TMEM163: variants seen among roughly 807,000 people sequenced by gnomAD.
TMEM163 encodes the protein transmembrane protein 163.
A neutral mutation model predicts 29.3 loss-of-function variants in TMEM163; 17 were observed. That is an observed-to-expected ratio of 0.58 (90% confidence interval 0.40 to 0.87). The LOEUF is 0.87. TMEM163 is among the 40% of genes least tolerant of loss of function. The probability of loss-of-function intolerance (pLI) is 0.00; values close to 1 mark genes in which losing one functional copy is unlikely to be tolerated. For missense variants in TMEM163, 303 were observed against 381.5 expected, an observed-to-expected ratio of 0.79 and a Z score of 1.71; for synonymous variants, 157 against 160.6, an observed-to-expected ratio of 0.98 and a Z score of 0.17.
chr2:134,472,560 C>A (rs147823033), intron 5 of TMEM163, among the ~76,000 whole-genome samples: 23 of 152,340 alleles, frequency 1.5e-4, no homozygotes, highest in Non-Finnish European at 2.4e-4. Flanking sequence ...GAAAAGTACA[C>A]ATCTACCCTT....
chr2:134,610,459 G>A (rs1270081120), intron 2 of TMEM163, among the ~76,000 whole-genome samples: 1 of 152,168 alleles, frequency 6.6e-6, no homozygotes, highest in Non-Finnish European at 1.5e-5. Context: ...TCAATTTAGT[G>A]GTCTGGGGGG....
intron 6 of TMEM163, among the ~76,000 whole-genome samples, chr2:134,465,198 A>AAAAAAAAC (rs1352256515): frequency 1.2e-4 from 18 of 144,400 alleles, no homozygotes; most frequent in African/African-American, 4.2e-4. Flanking sequence ...TTAAAAAAAA[A>AAAAAAAAC]AAAAACAAAA....
chr2:134,609,884 AAGG>A (rs201848768), intron 2 of TMEM163, among the ~76,000 whole-genome samples: 1 of 150,190 alleles, frequency 6.7e-6, no homozygotes, highest in Non-Finnish European at 1.5e-5. Flanking sequence ...TACTGGTGAA[AAGG>A]AGGACAGACC....
At chr2:134,498,118 T>C (rs1299481834) in intron 5 of TMEM163, among the ~76,000 whole-genome samples, 1 of 152,212 alleles carries the variant, frequency 6.6e-6, no homozygotes, top group Non-Finnish European at 1.5e-5. Flanking sequence ...ATCTCCATTT[T>C]ACCTAAGAGG....
intron 5 of TMEM163, among the ~76,000 whole-genome samples, chr2:134,491,804 C>T (rs1444109198): frequency 5.3e-5 from 8 of 152,174 alleles, no homozygotes; most frequent in Admixed American, 1.3e-4. Context: ...ACATGGCAGA[C>T]GGCTCACAGA....
chr2:134,457,693 G>A (rs1354776423), intron 7 of TMEM163, among the ~76,000 whole-genome samples: 9 of 152,188 alleles, frequency 5.9e-5, no homozygotes, highest in African/African-American at 2.2e-4. Context: ...AGGAAACCAC[G>A]CAAAGGTGCT....
At chr2:134,711,006 A>T (rs1193153155) in intron 2 of TMEM163, among the ~76,000 whole-genome samples, 2 of 152,234 alleles carry the variant, frequency 1.3e-5, no homozygotes, top group East Asian at 3.8e-4. Flanking sequence ...TTCCTTGAAG[A>T]GTAGGACTGG....
At chr2:134,604,732 T>C (rs1047116499) in intron 2 of TMEM163, among the ~76,000 whole-genome samples, 3 of 152,234 alleles carry the variant, frequency 2.0e-5, no homozygotes, top group Non-Finnish European at 4.4e-5. Flanking sequence ...CAACCCAATT[T>C]TTCAAAATTA....
intron 2 of TMEM163, among the ~76,000 whole-genome samples, chr2:134,564,016 A>G (rs535955603): frequency 4.6e-5 from 7 of 151,954 alleles, no homozygotes; most frequent in South Asian, 4.2e-4. Flanking sequence ...ATGCCACTAC[A>G]CTCCAGCCTG....
chr2:134,493,343 T>C (rs1009391560), intron 5 of TMEM163, among the ~76,000 whole-genome samples: 1 of 149,792 alleles, frequency 6.7e-6, no homozygotes, highest in African/African-American at 2.5e-5. Flanking sequence ...TTTTGACTTA[T>C]GGTTCAAGCT....
At chr2:134,680,064 T>G (rs1684197773) in intron 2 of TMEM163, among the ~76,000 whole-genome samples, 1 of 152,234 alleles carries the variant, frequency 6.6e-6, no homozygotes, top group Admixed American at 6.5e-5. Context: ...TCCATGGCTC[T>G]GGGCCAGGTG....
At chr2:134,667,025 C>A (rs995170028) in intron 2 of TMEM163, among the ~76,000 whole-genome samples, 4 of 152,178 alleles carry the variant, frequency 2.6e-5, no homozygotes, top group Admixed American at 1.3e-4. Flanking sequence ...CTAGAAAAAT[C>A]TACTCATCAC....
At chr2:134,563,762 T>G (rs1278545691) in intron 2 of TMEM163, among the ~76,000 whole-genome samples, 1 of 152,136 alleles carries the variant, frequency 6.6e-6, no homozygotes, top group Non-Finnish European at 1.5e-5. Context: ...GAATCAGGAA[T>G]AGCCAAGACA....
At position 134,566,195 on chromosome 2, in the gene TMEM163, TTAAAA is replaced by T. The variant is rs1681297069; in HGVS notation, c.323-14109_323-14105del. Among the ~76,000 whole-genome samples, 2 of 152,116 alleles carry T rather than the reference TTAAAA, an allele frequency of 1.3e-5. 1 individual carries two copies. Among genetic ancestry groups the T allele is most frequent in the African/African-American group, 4.8e-5 (2 of 41,418 alleles). ...GAACATGCAATTTTAGAAAAGGAAT[TTAAAA>T]TAACTGATAAACATAAGGTAGCAAA... On this transcript the variant is annotated intron_variant, in intron 2 of 7. Transcript: ENST00000281924.
chr2:134,458,294 C>T, intron 6 of TMEM163, 121 bp from the exon 7 acceptor site: 2 of 1,217,588 alleles, frequency 1.6e-6, no homozygotes, highest in East Asian at 2.5e-5. Flanking sequence ...GCCCAAAGCT[C>T]TCACGAGTGA....
At chr2:134,708,568 A>C (rs1004138631) in intron 2 of TMEM163, among the ~76,000 whole-genome samples, 60 of 150,450 alleles carry the variant, frequency 4.0e-4, no homozygotes, top group Admixed American at 3.7e-3. Context: ...TATATTTTTT[A>C]ATTTTATTTA....
At chr2:134,511,153 C>CG (rs10639023) in intron 4 of TMEM163, among the ~76,000 whole-genome samples, 33,385 of 122,066 alleles carry the variant, frequency 0.27, 5,102 homozygotes, top group South Asian at 0.48. Flanking sequence ...GAGAACAAGG[C>CG]GGGGGGGGGT....
chr2:134,687,226 C>T (rs1336165391), intron 2 of TMEM163, among the ~76,000 whole-genome samples: 1 of 152,038 alleles, frequency 6.6e-6, no homozygotes, highest in Non-Finnish European at 1.5e-5. Context: ...TAAAATAGGT[C>T]CACAGAAATG....
At chr2:134,549,743 G>A (rs1228543697) in intron 4 of TMEM163, among the ~76,000 whole-genome samples, 1 of 152,208 alleles carries the variant, frequency 6.6e-6, no homozygotes, top group Admixed American at 6.5e-5. Context: ...AGAGAAAACT[G>A]TTGCCCTGAT....
Sources: allele counts gnomAD v4.1 joint callset (sites outside exome capture counted in the v4.1 genomes callset), GRCh38; gene constraint gnomAD v4.1.1; transcripts MANE v1.5; gene names NCBI Gene and HGNC (gene_info 2026-07-23, HGNC 2026-07-21).